The following ITIH5 variants were observed in gnomAD, a reference collection of about 807,000 sequenced individuals.
ITIH5 encodes inter-alpha-trypsin inhibitor heavy chain H5.
In ITIH5, 65 loss-of-function variants were observed where a neutral mutation model predicts 77.5. The observed-to-expected ratio is 0.84, with a 90% CI of 0.69 to 1.03. The LOEUF (loss-of-function observed/expected upper bound fraction) is 1.03. Among genes scored for constraint, ITIH5 ranks in the 50% least tolerant of loss-of-function variants. ITIH5 has a pLI of 0.00. For missense variants in ITIH5, 1,208 were observed against 1,213.1 expected (o/e 1.00, Z 0.06); for synonymous variants, 525 against 494.3 (o/e 1.06, Z -0.82).
intron 1 of ITIH5, among the ~76,000 whole-genome samples, chr10:7,666,331 A>G (rs780402347): frequency 1.8e-4 from 28 of 152,068 alleles, no homozygotes; most frequent in Non-Finnish European, 3.8e-4. Context: ...GGTAGTCGCT[A>G]AATGGGAAAG....
In ITIH5 at chr10:7,639,792, A is replaced by G. The variant is rs547102581; in HGVS notation, c.401+962T>C. 2.1e-4 allele frequency among the ~76,000 whole-genome samples: 32 copies of G among 152,338 alleles called. No homozygotes were observed. In the South Asian group the frequency reaches 4.8e-3, roughly 23 times the overall value. On this transcript the variant is annotated intron_variant, in intron 4 of 13. Transcript: ENST00000397146. ...TGGTTTCAATGTTTAGATTCCATTT[A>G]TAAACAAAAGAAAGAATAAAAGTAT...
intron 7 of ITIH5, among the ~76,000 whole-genome samples, chr10:7,591,402 G>C (rs1046972435): frequency 5.9e-5 from 9 of 152,046 alleles, no homozygotes; most frequent in African/African-American, 2.2e-4. Context: ...CTGACACGTT[G>C]AGCTGTAGCC....
chr10:7,656,710 A>C (rs1834189088), intron 1 of ITIH5, among the ~76,000 whole-genome samples: 1 of 151,698 alleles, frequency 6.6e-6, no homozygotes, highest in East Asian at 1.9e-4. Context: ...TAGATCAAAA[A>C]CATAAGAAAT....
Position 7,615,989 on chromosome 10 carries a change from A to G in ITIH5, c.932T>C (p.Leu311Pro). 2 of 1,590,580 alleles carry G rather than the reference A, an allele frequency of 1.3e-6. No homozygotes were observed. The highest frequency in any genetic ancestry group is 1.7e-6 in the Non-Finnish European group (2 of 1,158,720). Residue 311 changes from leucine to proline, a missense_variant, in exon 7 of 14, where the codon CTC becomes CCC. By Grantham distance (98) the Leu-to-Pro change is moderately conservative. Coordinates refer to ENST00000397146, the MANE Select transcript of ITIH5 (RefSeq NM_030569.7). ...CGGTTGGCACTCACTCACCTGCCGGAGTTTGGTTCCCACCATAGAAGCACT... is the reference window on the plus strand; with the variant it reads ...CGGTTGGCACTCACTCACCTGCCGGGGTTTGGTTCCCACCATAGAAGCACT... ...DSSASMVGTK[L>P]RQTKDALFTI...
chr10:7,621,944 A>G (rs1052961838), intron 5 of ITIH5: 3 of 152,188 alleles, frequency 2.0e-5, no homozygotes, highest in Admixed American at 1.3e-4. Context: ...CCACTTGTCT[A>G]ATGAGAACCC....
chr10:7,565,973 C>T (rs1010342608), intron 13 of ITIH5, 57 bp downstream of exon 13: 3 of 1,554,118 alleles, frequency 1.9e-6, no homozygotes, highest in Non-Finnish European at 2.6e-6. Context: ...ATCAGCTTTG[C>T]TTGGGAAATG....
At chr10:7,650,669 G>A (rs1588428576) in intron 2 of ITIH5, among the ~76,000 whole-genome samples, 1 of 151,838 alleles carries the variant, frequency 6.6e-6, no homozygotes, top group East Asian at 1.9e-4. Context: ...CCGGGAAGAG[G>A]AGGTTGCAGT....
intron 12 of ITIH5, among the ~76,000 whole-genome samples, chr10:7,566,844 G>GGAAGAAGAAGAAGAA (rs576015885): frequency 2.8e-4 from 5 of 17,796 alleles, no homozygotes; most frequent in Non-Finnish European, 3.6e-4. Flanking sequence ...AAGAGGAAGA[G>GGAAGAAGAAGAAGAA]GAAGAAGAAG....
At chr10:7,661,312 C>A (rs147558181) in intron 1 of ITIH5, among the ~76,000 whole-genome samples, 1 of 152,166 alleles carries the variant, frequency 6.6e-6, no homozygotes, top group African/African-American at 2.4e-5. Context: ...TGAAGTCATG[C>A]GTTCCTAGAG....
chr10:7,658,852 C>T (rs961399390), intron 1 of ITIH5, among the ~76,000 whole-genome samples: 15 of 152,110 alleles, frequency 9.9e-5, no homozygotes, highest in Admixed American at 9.8e-4. Flanking sequence ...TGTTTCCTAT[C>T]AGACTTAAGA....
At chr10:7,610,816 T>C (rs905896472) in intron 7 of ITIH5, among the ~76,000 whole-genome samples, 4 of 152,166 alleles carry the variant, frequency 2.6e-5, no homozygotes, top group African/African-American at 9.7e-5. Context: ...GTTTGGCTGG[T>C]CTAGGGTGGC....
chr10:7,589,351 T>C (rs1691735833), intron 7 of ITIH5, among the ~76,000 whole-genome samples: 2 of 152,008 alleles, frequency 1.3e-5, no homozygotes, highest in Admixed American at 6.6e-5. Context: ...TCCAGCTACT[T>C]GGGAGGCTGA....
At chr10:7,610,231 A>G (rs969350223) in intron 7 of ITIH5, among the ~76,000 whole-genome samples, 2 of 152,154 alleles carry the variant, frequency 1.3e-5, no homozygotes, top group Non-Finnish European at 2.9e-5. Context: ...GCCACGTGCC[A>G]GCAAACCTCA....
rs752743844 is a variant in ITIH5 at position 7,579,845 on chromosome 10, T to A, written c.1328A>T (p.Asp443Val). ...CGACAGTTTCTCCAGCAGCCTGAAG[T>A]CCACGTCGTTGCCGATGCCAATGGT... ...IFTIGIGNDVDFRLLEKLSLE... is the reference protein window; with the variant it reads ...IFTIGIGNDVVFRLLEKLSLE... Residue 443 changes from aspartate (D) to valine (V), a missense_variant, in exon 9 of 14, where the codon GAC becomes GTC. By Grantham distance (152) the Asp-to-Val change is radical. Coordinates refer to ENST00000397146, the MANE Select transcript of ITIH5 (RefSeq NM_030569.7). 3 of 1,614,210 alleles carry A rather than the reference T, an allele frequency of 1.9e-6. No homozygotes were observed. Among genetic ancestry groups the A allele is most frequent in the East Asian group, 2.2e-5 (1 of 44,868 alleles).
chr10:7,577,070 G>A, intron 9 of ITIH5, 58 bp from the exon 10 acceptor site: 1 of 1,478,414 alleles, frequency 6.8e-7, no homozygotes, highest in South Asian at 1.3e-5. Flanking sequence ...CAGCAGGCAG[G>A]ACAGTCCTAA....
At chr10:7,581,197 TTGCAGTGAGCCAAGATCG>T (rs1832544669) in intron 8 of ITIH5, among the ~76,000 whole-genome samples, 1 of 152,074 alleles carries the variant, frequency 6.6e-6, no homozygotes, top group South Asian at 2.1e-4. Flanking sequence ...AAGACGGAAG[TTGCAGTGAGCCAAGATCG>T]TGCCATTGCA....
At chr10:7,652,997 GA>G (rs1834125049) in intron 2 of ITIH5, among the ~76,000 whole-genome samples, 1 of 151,968 alleles carries the variant, frequency 6.6e-6, no homozygotes, top group African/African-American at 2.4e-5. Context: ...AGCAATAAAA[GA>G]AAAAAATTCC....
intron 8 of ITIH5, among the ~76,000 whole-genome samples, chr10:7,580,451 C>G (rs7090707): frequency 0.88 from 134,036 of 152,242 alleles, 59,218 homozygotes; most frequent in East Asian, 1. Flanking sequence ...AGTTCACGCT[C>G]AACCACCCAA....
At chr10:7,635,723 C>T (rs1029060672) in intron 5 of ITIH5, among the ~76,000 whole-genome samples, 9 of 152,210 alleles carry the variant, frequency 5.9e-5, no homozygotes, top group East Asian at 5.8e-4. Context: ...GTGTATTTTC[C>T]GCACTGTTTG....
Sources: allele counts gnomAD v4.1 joint callset (sites outside exome capture counted in the v4.1 genomes callset), GRCh38; gene constraint gnomAD v4.1.1; transcripts MANE v1.5; gene names NCBI Gene and HGNC (gene_info 2026-07-23, HGNC 2026-07-21).